PTCH1: variants seen among roughly 807,000 people sequenced by gnomAD.
PTCH1 encodes patched 1, also known as protein patched homolog 1.
A neutral mutation model predicts 144.6 loss-of-function variants in PTCH1; 14 were observed. The observed-to-expected ratio is 0.10, with a 90% CI of 0.06 to 0.15. PTCH1 has a LOEUF of 0.15. Among genes scored for constraint, PTCH1 ranks in the 10% least tolerant of loss-of-function variants. PTCH1 has a pLI of 1.00. For missense variants in PTCH1, 1,623 were observed against 1,948.3 expected (o/e 0.83, Z 3.14); for synonymous variants, 833 against 793.6 (o/e 1.05, Z -0.83).
Position 95,457,994 on chromosome 9 carries a change from C to T in PTCH1, c.3168+19G>A, listed in dbSNP as rs1839091755. ...TGAAAGGAATTTGACTTCCACAAAGCCCCTTATAATACACTCACAATGATC... is the reference window on the plus strand; with the variant it reads ...TGAAAGGAATTTGACTTCCACAAAGTCCCTTATAATACACTCACAATGATC... On this transcript the variant is annotated intron_variant, in intron 18 of 23. Transcript: ENST00000331920. The T allele has an allele frequency of 1.9e-6, 3 of 1,613,894 alleles. No homozygotes were observed. The highest frequency in any genetic ancestry group is 8.5e-7 in the Non-Finnish European group (1 of 1,180,020).
rs1243795612 is a variant in PTCH1 at position 95,467,517 on chromosome 9, A to C, written c.2251-92T>G. 11 of 1,278,280 alleles carry C rather than the reference A, an allele frequency of 8.6e-6. No individual in the cohort carries two copies. In the East Asian group the frequency reaches 2.5e-4, roughly 29 times the overall value. 79.2% of individuals were successfully genotyped at this position (1,278,280 alleles called of 1,614,324 possible). ...GCTGTCTAGTTAATACCTTGTTTTC[A>C]CCACCACACTTAAACTGATTTATCT... On this transcript the variant is annotated intron_variant, in intron 14 of 23. Transcript: ENST00000331920.
Position 95,458,086 on chromosome 9 carries a change from A to G in PTCH1, c.3095T>C (p.Ile1032Thr). The change falls in exon 18 of 24, where the codon ATC becomes ACC. Residue 1032 changes from isoleucine (I) to threonine (T), a missense_variant. This residue lies in a region of PTCH1 where 504 missense variants were observed against 679.3 expected (regional missense o/e 0.74). Coordinates refer to ENST00000331920, the MANE Select transcript of PTCH1 (RefSeq NM_000264.5). The surrounding 1 kb of genome is among the most constrained non-coding windows in gnomAD (Gnocchi z 4.7). Reference protein sequence around the residue: ...IGLRHWLLLFISVVLACTFLV... With the variant: ...IGLRHWLLLFTSVVLACTFLV... ...GAATGTGCAGGCCAACACCACGCTG[A>G]TGAACAGCAGCAGCCAGTGGCGGAG... 1 of 1,614,242 alleles carries G rather than the reference A, an allele frequency of 6.2e-7. No homozygotes were observed. The highest frequency in any genetic ancestry group is 8.5e-7 in the Non-Finnish European group (1 of 1,180,040).
chr9:95,491,039 T>A (rs1044510107), intron 2 of PTCH1, among the ~76,000 whole-genome samples: 1 of 152,160 alleles, frequency 6.6e-6, no homozygotes, highest in Non-Finnish European at 1.5e-5. Context: ...AAAATAATCA[T>A]ATGCATCTTC....
intron 3 of PTCH1, chr9:95,482,621 G>A: frequency 3.5e-6 from 1 of 284,206 alleles, no homozygotes; most frequent in Non-Finnish European, 6.8e-6. Context: ...ATGTTTTACT[G>A]GCAGATCATG....
chr9:95,467,481 G>A, intron 14 of PTCH1, 56 bp from the exon 15 acceptor site: 1 of 1,559,466 alleles, frequency 6.4e-7, no homozygotes, highest in Non-Finnish European at 8.8e-7. Flanking sequence ...ACTCTTCCTG[G>A]ACAAAGAGAA....
intron 17 of PTCH1, 32 bp downstream of exon 17, chr9:95,459,568 G>A (rs1839269108): frequency 6.2e-7 from 1 of 1,611,888 alleles, no homozygotes; most frequent in Non-Finnish European, 8.5e-7. Context: ...ACCTCTGTAA[G>A]TTCCCAGACC....
intron 15 of PTCH1, among the ~76,000 whole-genome samples, chr9:95,466,196 C>G (rs1027709341): frequency 6.6e-6 from 1 of 152,038 alleles, no homozygotes; most frequent in Non-Finnish European, 1.5e-5. Context: ...TACAGGCACC[C>G]ACCAGCACGC....
chr9:95,474,047 G>A (rs770085763), intron 12 of PTCH1: 38 of 490,480 alleles, frequency 7.7e-5, no homozygotes, highest in Admixed American at 1.5e-4. Context: ...TTTCTACAAG[G>A]CTACTCCTCG....
chr9:95,514,277 A>G (rs1844272296), intron 1 of PTCH1: 1 of 152,218 alleles, frequency 6.6e-6, no homozygotes, highest in African/African-American at 2.4e-5. Flanking sequence ...ATGTATTCCT[A>G]CAACACCCAG....
chr9:95,453,596 T>G lies in PTCH1; in HGVS notation c.3331A>C (p.Lys1111Gln). The change falls in exon 20 of 24, where the codon AAG (lysine) becomes CAG (glutamine). Residue 1111 changes from lysine (K) to glutamine (Q), a missense_variant. Physicochemically the swap from Lys to Gln is moderately conservative, Grantham distance 53. Around this residue, in one of 7 missense-constraint regions of PTCH1, gnomAD observed 504 missense variants for 679.3 expected, o/e 0.74. Coordinates refer to ENST00000331920, the MANE Select transcript of PTCH1 (RefSeq NM_000264.5). ...ALAFLTAIGDKNRRAVLALEH... is the reference protein window; with the variant it reads ...ALAFLTAIGDQNRRAVLALEH... ...AGGGCAAGCACAGCCCTGCGGTTCT[T>G]GTCGCCGATGGCCGTCAGAAAGGCC... 6.2e-7 allele frequency: 1 copy of G among 1,613,978 alleles called. No individual in the cohort carries two copies. The highest frequency in any genetic ancestry group is 2.2e-5 in the East Asian group (1 of 44,886).
In PTCH1 at chr9:95,447,162, C is replaced by T. The variant is rs1397510746; in HGVS notation, c.4094G>A (p.Cys1365Tyr). Reference sequence around the variant, plus strand: ...AGCCGTCACAGTGGTGATGGGCTGGCAGTAGCCGGGCACGGAGCTGCCCAT... The same window carrying T: ...AGCCGTCACAGTGGTGATGGGCTGGTAGTAGCCGGGCACGGAGCTGCCCAT... ...TAMGSSVPGY[C>Y]QPITTVTASA... is the part of the protein sequence containing the mutation. The change falls in exon 23 of 24, where the codon TGC (cysteine) becomes TAC (tyrosine). Residue 1365 changes from cysteine (C) to tyrosine (Y), a missense_variant. Around this residue, in one of 7 missense-constraint regions of PTCH1, gnomAD observed 291 missense variants for 287.4 expected, o/e 1.01. Coordinates refer to ENST00000331920, the MANE Select transcript of PTCH1 (RefSeq NM_000264.5). 2 of 1,613,154 alleles carry T rather than the reference C, an allele frequency of 1.2e-6. No homozygotes were observed. Among genetic ancestry groups the T allele is most frequent in the Non-Finnish European group, 1.7e-6 (2 of 1,179,944 alleles).
In PTCH1 at chr9:95,444,139, A is replaced by G. The variant is rs1241373634; in HGVS notation, c.*2254T>C. On this transcript the variant is annotated 3_prime_UTR_variant, in exon 24 of 24. Coordinates refer to ENST00000331920, the MANE Select transcript of PTCH1 (RefSeq NM_000264.5). ...TTTTAAAAATTAAAACATCCAAATG[A>G]ACAAACAGGACAGACAAAATAAAAC... The G allele has an allele frequency of 2.6e-5, 4 of 152,420 alleles. No homozygotes were observed. Among genetic ancestry groups the G allele is most frequent in the African/African-American group, 7.2e-5 (3 of 41,390 alleles). 9.4% of individuals were successfully genotyped at this position (152,420 alleles called of 1,614,324 possible). A position where few individuals can be genotyped will look rare whatever the true frequency, so the allele number is the denominator to read the frequency against.
chr9:95,507,009 CCTG>C, intron 1 of PTCH1: 1 of 993,548 alleles, frequency 1.0e-6, no homozygotes, highest in Non-Finnish European at 1.2e-6. Flanking sequence ...GCAAACCAGT[CCTG>C]CTCTGTCCAT....
At chr9:95,466,544 C>T (rs193155495) in intron 15 of PTCH1, among the ~76,000 whole-genome samples, 1 of 152,206 alleles carries the variant, frequency 6.6e-6, no homozygotes, top group Non-Finnish European at 1.5e-5. Flanking sequence ...TGTTTACAGT[C>T]GAGGGGGCTG....
rs1184226425 is a variant in PTCH1, at chr9:95,468,984, G to C, written c.2017C>G (p.His673Asp). 6.2e-7 allele frequency: 1 copy of C among 1,614,046 alleles called. No individual in the cohort carries two copies. Among genetic ancestry groups the C allele is most frequent in the Admixed American group, 1.7e-5 (1 of 60,024 alleles). Residue 673 changes from histidine (H) to aspartate (D), a missense_variant, in exon 14 of 24, where the codon CAC (histidine) becomes GAC (aspartate). His to Asp is a moderately conservative substitution (Grantham distance 81). Coordinates refer to ENST00000331920, the MANE Select transcript of PTCH1 (RefSeq NM_000264.5). ...GGCTCAGCGGTGGTGTAGTACACGT[G>C]CGTGTGGGGGTCGTACTCCGTGCGG... ...QLRTEYDPHT[H>D]VYYTTAEPRS...
chr9:95,449,693 C>A lies in PTCH1; in HGVS notation c.3549+148G>T. On this transcript the variant is annotated intron_variant, in intron 21 of 23. Transcript: ENST00000331920. This position sits in a 1 kb window ranked among gnomAD's most constrained non-coding sequence, Gnocchi z 5.3. ...CCCTCTAGCCCTCAAAGCCAGTACA[C>A]CGAAGAGGAAAACAGACATGACTCT... 1.2e-6 allele frequency: 1 copy of A among 860,634 alleles called. No individual in the cohort carries two copies. Among genetic ancestry groups the A allele is most frequent in the Non-Finnish European group, 1.9e-6 (1 of 524,868 alleles). 53.3% of individuals were successfully genotyped at this position (860,634 alleles called of 1,614,324 possible). A position where few individuals can be genotyped will look rare whatever the true frequency, so the allele number is the denominator to read the frequency against.
At chr9:95,516,455 C>T (rs1350273234) in intron 1 of PTCH1, 2 of 1,423,128 alleles carry the variant, frequency 1.4e-6, no homozygotes, top group Admixed American at 3.3e-5. Context: ...GGCCGCCGCG[C>T]TGGCTGCACT....
chr9:95,467,904 G>C (rs1189090166), intron 14 of PTCH1, among the ~76,000 whole-genome samples: 1 of 150,606 alleles, frequency 6.6e-6, no homozygotes. Context: ...ACCATGCCCA[G>C]CCTTGTTTTG....
chr9:95,515,938 C>T, intron 1 of PTCH1, among the ~76,000 whole-genome samples: 1 of 152,016 alleles, frequency 6.6e-6, no homozygotes, highest in East Asian at 2.0e-4. Context: ...TTCCCTGCGG[C>T]TGCGGCTGCT....
Sources: gnomAD v4.1 joint callset for allele counts (sites outside exome capture counted in the v4.1 genomes callset) on GRCh38, gnomAD v4.1.1 for gene constraint, gnomAD v4.1.1 regional missense constraint, Gnocchi (gnomAD v3.1) non-coding constraint, MANE v1.5 for transcripts, NCBI Gene and HGNC (gene_info 2026-07-23, HGNC 2026-07-21) for gene names.